Variants in FRMPD1 observed in about 807,000 individuals in gnomAD.
The protein encoded by FRMPD1 is FERM and PDZ domain-containing protein 1.
In FRMPD1, 76 loss-of-function variants were observed where a neutral mutation model predicts 117.8. The ratio of observed to expected loss-of-function variants is 0.65; its 90% CI spans 0.54 to 0.78. FRMPD1 has a LOEUF of 0.78. FRMPD1 is among the 30% of genes least tolerant of loss of function. FRMPD1 has a pLI of 0.00. For missense variants in FRMPD1, 1,786 were observed against 1,964.5 expected, an observed-to-expected ratio of 0.91 and a Z score of 1.72; for synonymous variants, 783 against 770.4, an observed-to-expected ratio of 1.02 and a Z score of -0.27.
chr9:37,663,795 A>G (rs1232663204), intron 1 of FRMPD1, among the ~76,000 whole-genome samples: 1 of 152,218 alleles, frequency 6.6e-6, no homozygotes, highest in Non-Finnish European at 1.5e-5. Context: ...ACCTATGCAT[A>G]TCCTCTTGTA....
intron 9 of FRMPD1, 102 bp from the exon 10 acceptor site, chr9:37,732,202 C>G: frequency 1.6e-6 from 2 of 1,255,446 alleles, no homozygotes; most frequent in Non-Finnish European, 2.3e-6. Flanking sequence ...AGAGCCAGCT[C>G]TCAAAGCGGA....
At chr9:37,648,069 G>A (rs7863578), upstream of FRMPD1, among the ~76,000 whole-genome samples, 1 of 151,884 alleles carries the variant, frequency 6.6e-6, no homozygotes, top group Non-Finnish European at 1.5e-5. Context: ...AATAGTGCTG[G>A]CTAGCAAGTA....
At position 37,729,696 on chromosome 9, in the gene FRMPD1, G is replaced by A. The variant is rs536050354; in HGVS notation, c.613-32G>A. ...GCCAGGGAAGTCCTTCCTGTTTCTT[G>A]CGTAACTCCTGCACCTCTCTGTGCC... On this transcript the variant is annotated intron_variant, in intron 7 of 15. Coordinates refer to ENST00000377765, the MANE Select transcript of FRMPD1 (RefSeq NM_014907.3). 2.5e-6 allele frequency: 4 copies of A among 1,610,190 alleles called. No homozygotes were observed. The South Asian group carries it at 3.3e-5, about 13-fold the overall frequency.
chr9:37,710,048 G>A (rs185796643), intron 4 of FRMPD1, among the ~76,000 whole-genome samples: 37 of 152,242 alleles, frequency 2.4e-4, no homozygotes, highest in African/African-American at 8.2e-4. Flanking sequence ...TCAGTGTCAC[G>A]TGTAAAAGGT....
chr9:37,697,001 G>C (rs1822344374), intron 2 of FRMPD1, among the ~76,000 whole-genome samples: 1 of 152,134 alleles, frequency 6.6e-6, no homozygotes, highest in Non-Finnish European at 1.5e-5. Context: ...AGTAATGTTA[G>C]AGCTTTATAG....
At chr9:37,633,329 C>T in the FRMPD1 span, among the ~76,000 whole-genome samples, 5 of 152,248 alleles carry the variant, frequency 3.3e-5, no homozygotes, top group Non-Finnish European at 7.3e-5. Flanking sequence ...GCATGAGCCA[C>T]TGCTCCTGGC....
chr9:37,732,576 A>G, intron 10 of FRMPD1, 136 bp downstream of exon 10: 1 of 861,538 alleles, frequency 1.2e-6, no homozygotes, highest in Non-Finnish European at 1.7e-6. Flanking sequence ...TTCCCTCTGC[A>G]CCCTCTCTAA....
chr9:37,676,482 C>T (rs1028596045), intron 1 of FRMPD1, among the ~76,000 whole-genome samples: 4 of 152,078 alleles, frequency 2.6e-5, no homozygotes, highest in Non-Finnish European at 5.9e-5. Context: ...CTGCGGTTTT[C>T]GGCGATCTCT....
At chr9:37,711,024 C>T (rs1822889755) in intron 4 of FRMPD1, among the ~76,000 whole-genome samples, 1 of 150,912 alleles carries the variant, frequency 6.6e-6, no homozygotes, top group African/African-American at 2.4e-5. Flanking sequence ...ATGAGTTCTT[C>T]ATTGTATAGG....
chr9:37,704,149 T>C (rs1014605711), intron 2 of FRMPD1, among the ~76,000 whole-genome samples: 2 of 152,224 alleles, frequency 1.3e-5, no homozygotes, highest in Non-Finnish European at 2.9e-5. Flanking sequence ...CAGTTTTGAT[T>C]ATTGCCTTTG....
intron 1 of FRMPD1, among the ~76,000 whole-genome samples, chr9:37,676,622 C>A (rs981294424): frequency 1.3e-5 from 2 of 152,102 alleles, no homozygotes; most frequent in Non-Finnish European, 1.5e-5. Context: ...AAGAGGTTTC[C>A]GGATAGAATG....
chr9:37,685,502 T>A lies in FRMPD1; in HGVS notation c.-4-7136T>A, dbSNP rs111688231. Among the ~76,000 whole-genome samples the A allele has an allele frequency of 2.7e-3, 405 of 150,438 alleles. 1 individual carries two copies. Among genetic ancestry groups the A allele is most frequent in the African/African-American group, 8.6e-3 (351 of 40,966 alleles). On this transcript the variant is annotated intron_variant, in intron 1 of 15. Coordinates refer to ENST00000377765, the MANE Select transcript of FRMPD1 (RefSeq NM_014907.3). ...ACTAAAAATACAAAAAAAAAAAAAA[T>A]TTAGCCGGGCGTGGTGGCGGGCGCC...
chr9:37,678,533 T>A lies in FRMPD1; in HGVS notation c.-4-14105T>A, dbSNP rs1046664586. Among the ~76,000 whole-genome samples the A allele has an allele frequency of 4.6e-5, 7 of 152,134 alleles. No individual in the cohort carries two copies. In the South Asian group the frequency reaches 1.5e-3, roughly 32 times the overall value. On this transcript the variant is annotated intron_variant, in intron 1 of 15. Coordinates refer to ENST00000377765, the MANE Select transcript of FRMPD1 (RefSeq NM_014907.3). ...ACCTCAGCCTCCCAAAGTGCTGGGATTACAGGCACGAGCCACCACACCCGG... is the reference window on the plus strand; with the variant it reads ...ACCTCAGCCTCCCAAAGTGCTGGGAATACAGGCACGAGCCACCACACCCGG...
intron 12 of FRMPD1, among the ~76,000 whole-genome samples, 177 bp from the exon 13 acceptor site, chr9:37,735,375 T>C (rs1192948116): frequency 2.0e-5 from 3 of 152,188 alleles, no homozygotes; most frequent in Non-Finnish European, 4.4e-5. Context: ...GGGAAATAAA[T>C]TTACACTTTG....
chr9:37,628,034 C>T, the FRMPD1 span, among the ~76,000 whole-genome samples: 2 of 152,152 alleles, frequency 1.3e-5, no homozygotes, highest in Non-Finnish European at 2.9e-5. Flanking sequence ...GAATAAGGCT[C>T]AGACAAAAAG....
intron 5 of FRMPD1, among the ~76,000 whole-genome samples, chr9:37,716,138 G>A (rs1823109195): frequency 6.6e-6 from 1 of 152,180 alleles, no homozygotes; most frequent in African/African-American, 2.4e-5. Context: ...CATGCACCAA[G>A]AACGCTAGTA....
At chr9:37,691,769 A>T (rs1452194843) in intron 1 of FRMPD1, among the ~76,000 whole-genome samples, 3 of 152,076 alleles carry the variant, frequency 2.0e-5, no homozygotes, top group Non-Finnish European at 4.4e-5. Context: ...CCAGGTGCAG[A>T]GGCATGTGCC....
intron 5 of FRMPD1, 142 bp downstream of exon 5, chr9:37,711,537 C>T: frequency 1.4e-6 from 1 of 713,548 alleles, no homozygotes; most frequent in Admixed American, 2.0e-5. Flanking sequence ...GGTGGCCAGT[C>T]AGTCCATGTT....
chr9:37,739,993 A>C (rs2118473905), intron 14 of FRMPD1, 85 bp from the exon 15 acceptor site: 1 of 1,003,566 alleles, frequency 1.0e-6, no homozygotes, highest in East Asian at 2.4e-5. Context: ...CTCGTCTGGC[A>C]GGGTTGGGTG....
Sources: gnomAD v4.1 joint callset for allele counts (sites outside exome capture counted in the v4.1 genomes callset) on GRCh38, gnomAD v4.1.1 for gene constraint, MANE v1.5 for transcripts, NCBI Gene and HGNC (gene_info 2026-07-23, HGNC 2026-07-21) for gene names.